Variants in ODF2L observed in about 807,000 individuals in gnomAD.
ODF2L encodes the protein protein BCAP.
In ODF2L, 76 loss-of-function variants were observed where a neutral mutation model predicts 86.3. The observed-to-expected ratio is 0.88, with a 90% CI of 0.73 to 1.07. ODF2L has a LOEUF of 1.07. Among genes scored for constraint, ODF2L ranks in the 50% least tolerant of loss-of-function variants. The pLI, the probability that ODF2L is intolerant of heterozygous loss-of-function variation, is 0.00. For synonymous variants in ODF2L, 241 were observed against 231.3 expected (o/e 1.04, Z -0.38); for missense variants, 748 against 717.4 (o/e 1.04, Z -0.49).
downstream of ODF2L, chr1:86,347,871 T>C (rs938766030): frequency 1.3e-4 from 20 of 152,178 alleles, no homozygotes; most frequent in Non-Finnish European, 1.0e-4. Context: ...TGGGAGATTA[T>C]AGCAAACAAG....
intron 1 of ODF2L, among the ~76,000 whole-genome samples, chr1:86,387,493 T>C (rs1462574965): frequency 6.6e-6 from 1 of 152,174 alleles, no homozygotes; most frequent in African/African-American, 2.4e-5. Context: ...CTGTAGAAAT[T>C]CAACTTTTCA....
rs1242762363 is a variant in ODF2L at position 86,360,548 on chromosome 1, GAT to G, written c.1144-14_1144-13del. 2.3e-6 allele frequency: 3 copies of G among 1,282,370 alleles called. No individual in the cohort carries two copies. Among genetic ancestry groups the G allele is most frequent in the Non-Finnish European group, 3.3e-6 (3 of 895,812 alleles). 79.4% of individuals were successfully genotyped at this position (1,282,370 alleles called of 1,614,324 possible). A position where few individuals can be genotyped will look rare whatever the true frequency, so the allele number is the denominator to read the frequency against. ...GCAGCAAGTGTAGTCTAGCAAAAAA[GAT>G]ATAGATTTTATAAGTCATTAGAATA... On this transcript the variant is annotated splice_polypyrimidine_tract_variant and intron_variant, in intron 11 of 17. Transcript: ENST00000317336.
chr1:86,366,673 T>C (rs1659466982), intron 11 of ODF2L, among the ~76,000 whole-genome samples: 2 of 151,604 alleles, frequency 1.3e-5, no homozygotes, highest in Admixed American at 6.6e-5. Flanking sequence ...AAAATTCTTA[T>C]AGGTATTTTC....
chr1:86,393,577 T>C (rs915901866), intron 1 of ODF2L, among the ~76,000 whole-genome samples: 5 of 152,304 alleles, frequency 3.3e-5, no homozygotes, highest in African/African-American at 9.6e-5. Flanking sequence ...GACTGGATAA[T>C]ATAGGAAGAA....
chr1:86,392,180 A>G (rs539520505), intron 1 of ODF2L, among the ~76,000 whole-genome samples: 2 of 152,216 alleles, frequency 1.3e-5, no homozygotes, highest in Non-Finnish European at 2.9e-5. Flanking sequence ...TCAAAAAATA[A>G]TAATAGATGT....
rs200180150 is a variant in ODF2L at position 86,356,222 on chromosome 1, ATAAAC to A, written c.1518+217_1518+221del. ...TTCAAATGTCTATAGATTTGCATGAATAAACTAAAATAAGAATTTTAATTACCAAT... is the reference window on the plus strand; with the variant it reads ...TTCAAATGTCTATAGATTTGCATGAATAAAATAAGAATTTTAATTACCAAT... On this transcript the variant is annotated intron_variant, in intron 14 of 17. Transcript: ENST00000317336. Among the ~76,000 whole-genome samples the A allele has an allele frequency of 4.4e-3, 566 of 129,458 alleles. 3 individuals carry two copies. Among genetic ancestry groups the A allele is most frequent in the African/African-American group, 0.017 (525 of 31,206 alleles). The allele number at this position is 129,458 out of a possible 152,430, so 84.9% of individuals were successfully genotyped here.
rs1661222552 is a variant in ODF2L at position 86,390,213 on chromosome 1, G to T, written c.-59-3127C>A. 2.0e-5 allele frequency among the ~76,000 whole-genome samples: 3 copies of T among 152,170 alleles called. 1 individual carries two copies. The South Asian group carries it at 6.2e-4, about 32-fold the overall frequency. Reference sequence around the variant, plus strand: ...TGAAGCGGGTGGATCGTGAGGTCAGGAGTTCAAGACCAGCCTGGCCAAGAT... The same window carrying T: ...TGAAGCGGGTGGATCGTGAGGTCAGTAGTTCAAGACCAGCCTGGCCAAGAT... On this transcript the variant is annotated intron_variant, in intron 1 of 17. Transcript: ENST00000317336.
At chr1:86,380,495 C>G (rs1660505813) in intron 7 of ODF2L, among the ~76,000 whole-genome samples, 1 of 152,062 alleles carries the variant, frequency 6.6e-6, no homozygotes, top group Admixed American at 6.6e-5. Context: ...TAGTTGCTTT[C>G]TTAGGTTAAA....
exon 18 of ODF2L, chr1:86,351,292 G>T (rs1025662974): frequency 6.6e-6 from 1 of 152,008 alleles, no homozygotes; most frequent in African/African-American, 2.4e-5. Flanking sequence ...AAGGGATCCA[G>T]TTTCAGTTTT....
intron 1 of ODF2L, among the ~76,000 whole-genome samples, chr1:86,387,846 G>A (rs1362199582): frequency 6.6e-6 from 1 of 151,972 alleles, no homozygotes; most frequent in Non-Finnish European, 1.5e-5. Flanking sequence ...AAAATCAAAG[G>A]TTATATTTAA....
chr1:86,390,367 C>T (rs894040085), intron 1 of ODF2L, among the ~76,000 whole-genome samples: 10 of 152,070 alleles, frequency 6.6e-5, no homozygotes, highest in Non-Finnish European at 1.5e-4. Context: ...TTGCAGTGAG[C>T]CACGACCATG....
rs567065811 is a variant in ODF2L at position 86,387,104 on chromosome 1, T to C, written c.-59-18A>G. 3.1e-6 allele frequency: 2 copies of C among 638,084 alleles called. No homozygotes were observed. The highest frequency in any genetic ancestry group is 2.3e-5 in the South Asian group (1 of 43,394). 39.5% of individuals were successfully genotyped at this position (638,084 alleles called of 1,614,324 possible). The stretch of plus-strand genomic sequence containing the variant: ...GCTGAAAGCTAGGAAATATTTTAGT[T>C]ATTAAATTTATTTCAATAGAGTTTT... On this transcript the variant is annotated intron_variant, in intron 1 of 17. Coordinates refer to ENST00000317336, the Ensembl canonical transcript of ODF2L.
At chr1:86,370,357 T>C (rs1659708833) in intron 10 of ODF2L, among the ~76,000 whole-genome samples, 1 of 148,924 alleles carries the variant, frequency 6.7e-6, no homozygotes, top group Non-Finnish European at 1.5e-5. Flanking sequence ...ATGCTTATAT[T>C]ACAAGTTTCT....
At chr1:86,347,390 T>A (rs1339453829), downstream of ODF2L, 9 of 152,188 alleles carry the variant, frequency 5.9e-5, no homozygotes, top group East Asian at 1.7e-3. Flanking sequence ...AAGGCTCCCT[T>A]TGCATTAGGA....
exon 14 of ODF2L, chr1:86,356,536 C>G (rs1249369949): frequency 3.7e-6 from 6 of 1,614,076 alleles, no homozygotes; most frequent in Non-Finnish European, 5.1e-6. Context: ...AGCCTCCGTT[C>G]CGCCGCCGTC....
At chr1:86,376,005 T>C (rs1660144129) in intron 8 of ODF2L, among the ~76,000 whole-genome samples, 1 of 152,146 alleles carries the variant, frequency 6.6e-6, no homozygotes, top group African/African-American at 2.4e-5. Flanking sequence ...ACACTTAATA[T>C]TTCCTTTAAG....
chr1:86,372,507 T>C (rs1486694536), exon 9 of ODF2L: 3 of 1,528,730 alleles, frequency 2.0e-6, no homozygotes, highest in African/African-American at 2.8e-5. Flanking sequence ...TTCCAGGCAT[T>C]GGAAGCTGAA....
chr1:86,350,713 C>T (rs1658071429), exon 18 of ODF2L: 1 of 150,236 alleles, frequency 6.7e-6, no homozygotes, highest in South Asian at 2.1e-4. Flanking sequence ...TTTACACTCC[C>T]ACCAACAGTG....
intron 11 of ODF2L, among the ~76,000 whole-genome samples, chr1:86,365,675 C>G (rs1659354372): frequency 6.6e-6 from 1 of 151,948 alleles, no homozygotes; most frequent in South Asian, 2.1e-4. Flanking sequence ...AATAACAGAC[C>G]AGGGGCTATC....
Sources: gnomAD v4.1 joint callset for allele counts (sites outside exome capture counted in the v4.1 genomes callset) on GRCh38, gnomAD v4.1.1 for gene constraint, MANE v1.5 for transcripts, NCBI Gene and HGNC (gene_info 2026-07-23, HGNC 2026-07-21) for gene names.